CEP126: variants seen among roughly 807,000 people sequenced by gnomAD.
The protein encoded by CEP126 is centrosomal protein of 126 kDa.
A neutral mutation model predicts 107.8 loss-of-function variants in CEP126; 74 were observed. The ratio of observed to expected loss-of-function variants is 0.69; its 90% CI spans 0.57 to 0.83. The LOEUF (loss-of-function observed/expected upper bound fraction) is 0.83, where lower values mean the gene tolerates loss of function less well. Among genes scored for constraint, CEP126 ranks in the 40% least tolerant of loss-of-function variants. The probability of loss-of-function intolerance (pLI) is 0.00; values close to 1 mark genes in which losing one functional copy is unlikely to be tolerated. For synonymous variants in CEP126, 449 were observed against 446.0 expected (o/e 1.01, Z -0.08); for missense variants, 1,237 against 1,281.9 (o/e 0.96, Z 0.53).
Position 101,962,829 on chromosome 11 carries a change from CT to C in CEP126, c.1797del (p.Phe599LeufsTer17). The C allele has an allele frequency of 6.2e-7, 1 of 1,602,328 alleles. No homozygotes were observed. Among genetic ancestry groups the C allele is most frequent in the Non-Finnish European group, 8.5e-7 (1 of 1,176,932 alleles). Reference protein sequence around the residue: ...YLKALIINQSFKFGNQKAAAI... With the variant: ...YLKALIINQSXKFGNQKAAAI... ...TTAAGGCATTAATTATAAATCAGAG[CT>C]TTAAGTTTGGAAATCAAAAAGCAGC... On this transcript the variant is annotated frameshift_variant, in exon 6 of 11. Coordinates refer to ENST00000263468, the MANE Select transcript of CEP126 (RefSeq NM_020802.4). LOFTEE classifies it high-confidence loss of function.
At chr11:101,956,194 T>C in intron 4 of CEP126, 1 of 456,396 alleles carries the variant, frequency 2.2e-6, no homozygotes, top group Non-Finnish European at 4.4e-6. Flanking sequence ...GACCCAAACA[T>C]TTCCTTCCAG....
chr11:101,994,059 C>T (rs899641183), intron 10 of CEP126, among the ~76,000 whole-genome samples: 25 of 152,102 alleles, frequency 1.6e-4, no homozygotes, highest in African/African-American at 6.0e-4. Flanking sequence ...CATGGTGAAA[C>T]CCTGTCTCTA....
At chr11:101,924,974 T>C (rs745953593) in intron 2 of CEP126, among the ~76,000 whole-genome samples, 8 of 152,344 alleles carry the variant, frequency 5.3e-5, no homozygotes, top group Non-Finnish European at 1.0e-4. Context: ...TCTTGCATTG[T>C]ATGCTTTTAT....
chr11:101,962,590 TCAGA>T lies in CEP126; in HGVS notation c.1559_1562del (p.Asp520ValfsTer20), dbSNP rs1340384358. ...CAATAAGGAAGAGTTGCCTTTATTT[TCAGA>T]CAGTTTTCAAGATGCCTATATACCT... On this transcript the variant is annotated frameshift_variant, in exon 6 of 11. Coordinates refer to ENST00000263468, the MANE Select transcript of CEP126 (RefSeq NM_020802.4). LOFTEE classifies it high-confidence loss of function. 3.1e-6 allele frequency: 5 copies of T among 1,613,720 alleles called. No homozygotes were observed. The highest frequency in any genetic ancestry group is 4.2e-6 in the Non-Finnish European group (5 of 1,179,830).
At chr11:101,952,759 T>A (rs1239346596) in intron 4 of CEP126, among the ~76,000 whole-genome samples, 5 of 152,224 alleles carry the variant, frequency 3.3e-5, no homozygotes, top group Admixed American at 1.3e-4. Flanking sequence ...CAATTTCTTA[T>A]AGTAAGAAAT....
At chr11:101,972,297 G>A (rs2137120155) in intron 6 of CEP126, among the ~76,000 whole-genome samples, 2 of 151,862 alleles carry the variant, frequency 1.3e-5, no homozygotes, top group South Asian at 4.2e-4. Flanking sequence ...GTGGTAGAGG[G>A]CGCCTGTAGT....
chr11:101,945,497 G>T (rs909849781), intron 3 of CEP126, among the ~76,000 whole-genome samples: 11 of 152,202 alleles, frequency 7.2e-5, no homozygotes, highest in Admixed American at 6.5e-4. Flanking sequence ...AGCCATTGCT[G>T]TGTTAGTAAT....
At chr11:101,948,168 C>T (rs764214702) in intron 4 of CEP126, 26 bp downstream of exon 4, 27 of 1,335,832 alleles carry the variant, frequency 2.0e-5, no homozygotes, top group Middle Eastern at 3.7e-4. Context: ...TCATTGTATA[C>T]AATTATTACA....
chr11:101,931,736 G>A (rs1004016128), intron 2 of CEP126, among the ~76,000 whole-genome samples: 1 of 152,146 alleles, frequency 6.6e-6, no homozygotes, highest in Non-Finnish European at 1.5e-5. Context: ...CAAAAGGCAA[G>A]TTCTTCAGTT....
intron 6 of CEP126, among the ~76,000 whole-genome samples, chr11:101,969,325 A>G (rs74604193): frequency 0.021 from 3,169 of 152,294 alleles, 61 homozygotes; most frequent in African/African-American, 0.051. Context: ...CCAGCCAACA[A>G]TGATACTTTT....
At chr11:101,974,511 T>C (rs1941170850) in intron 6 of CEP126, among the ~76,000 whole-genome samples, 4 of 152,198 alleles carry the variant, frequency 2.6e-5, no homozygotes, top group Admixed American at 2.6e-4. Flanking sequence ...AGGAAGAGGA[T>C]GCCCCCATGA....
intron 6 of CEP126, among the ~76,000 whole-genome samples, chr11:101,965,313 T>C (rs1370047711): frequency 6.6e-6 from 1 of 152,110 alleles, no homozygotes; most frequent in African/African-American, 2.4e-5. Context: ...GAGTTTAAAA[T>C]TTAATATTCA....
chr11:101,960,764 TA>T (rs1940959372), intron 5 of CEP126, among the ~76,000 whole-genome samples: 1 of 152,196 alleles, frequency 6.6e-6, no homozygotes, highest in East Asian at 1.9e-4. Context: ...TGTAAATTTT[TA>T]AAATTTACAT....
chr11:101,922,787 T>C (rs775113373), intron 2 of CEP126, 27 bp downstream of exon 2: 2 of 1,584,038 alleles, frequency 1.3e-6, no homozygotes, highest in South Asian at 1.1e-5. Context: ...TATTCAGAAG[T>C]ATAGAAATTC....
At chr11:101,986,399 T>C (rs1251646661) in intron 8 of CEP126, among the ~76,000 whole-genome samples, 2 of 152,246 alleles carry the variant, frequency 1.3e-5, no homozygotes, top group African/African-American at 2.4e-5. Flanking sequence ...GTTTCTAGGC[T>C]GTCAGTTCTG....
In CEP126 at chr11:101,915,222, G is replaced by A; in HGVS notation, c.-63G>A. ...GGGAGGGGCCGAGCAGGAGGAGGAG[G>A]AAGCCGGAGCTGCCATGAGGGAGGT... On this transcript the variant is annotated 5_prime_UTR_variant, in exon 1 of 11. Coordinates refer to ENST00000263468, the MANE Select transcript of CEP126 (RefSeq NM_020802.4). 1 of 1,601,186 alleles carries A rather than the reference G, an allele frequency of 6.2e-7. No homozygotes were observed.
Position 101,986,962 on chromosome 11 carries a change from A to T in CEP126, c.3165A>T (p.Gln1055His). The change falls in exon 9 of 11, where the codon CAA (glutamine) becomes CAT (histidine). Residue 1055 changes from glutamine (Q) to histidine (H), a missense_variant. By Grantham distance (24) the Gln-to-His change is conservative (BLOSUM62 0). Coordinates refer to ENST00000263468, the MANE Select transcript of CEP126 (RefSeq NM_020802.4). ...CAAATCTACCTTTAAATAAAACTCA[A>T]CAATTCAACATCTGCACACTGTCAG... ...QKSNLPLNKT[Q>H]QFNICTLSAE... The T allele has an allele frequency of 1.2e-6, 2 of 1,613,884 alleles. No homozygotes were observed. Among genetic ancestry groups the T allele is most frequent in the South Asian group, 2.2e-5 (2 of 91,082 alleles).
At chr11:101,996,745 C>T (rs897040727) in intron 10 of CEP126, among the ~76,000 whole-genome samples, 1 of 152,026 alleles carries the variant, frequency 6.6e-6, no homozygotes, top group African/African-American at 2.4e-5. Flanking sequence ...CTAAATGAAA[C>T]AGATTCAGGA....
intron 1 of CEP126, among the ~76,000 whole-genome samples, chr11:101,918,431 G>T (rs1014143029): frequency 3.9e-5 from 6 of 152,148 alleles, no homozygotes; most frequent in Non-Finnish European, 7.4e-5. Context: ...CTAGGCAACA[G>T]AGTGAGACCC....
Sources: allele counts gnomAD v4.1 joint callset (sites outside exome capture counted in the v4.1 genomes callset), GRCh38; gene constraint gnomAD v4.1.1; transcripts MANE v1.5; gene names NCBI Gene and HGNC (gene_info 2026-07-23, HGNC 2026-07-21).